Variants in PKHD1L1 observed in about 807,000 individuals in gnomAD.
The protein encoded by PKHD1L1 is PKHD1 like 1.
PKHD1L1 carries 434 observed loss-of-function variants against 462.9 expected under a neutral mutation model. The ratio of observed to expected loss-of-function variants is 0.94; its 90% confidence interval spans 0.87 to 1.02. The LOEUF (loss-of-function observed/expected upper bound fraction) is 1.02, where lower values mean the gene tolerates loss of function less well. PKHD1L1 is among the 50% of genes least tolerant of loss of function. The pLI is 0.00. For synonymous variants in PKHD1L1, 1,781 were observed against 1,750.0 expected (o/e 1.02, Z -0.44); for missense variants, 5,202 against 5,096.1 (o/e 1.02, Z -0.63).
At chr8:109,415,125 C>A (rs1037213112) in intron 21 of PKHD1L1, among the ~76,000 whole-genome samples, 1 of 151,838 alleles carries the variant, frequency 6.6e-6, no homozygotes, top group Non-Finnish European at 1.5e-5. Flanking sequence ...AGCCTCCCCC[C>A]ACAAGTAGCT....
rs763552114 is a variant in PKHD1L1 at position 109,419,273 on chromosome 8, A to C, written c.2524+13A>C. 6.4e-7 allele frequency: 1 copy of C among 1,561,998 alleles called. No individual in the cohort carries two copies. Among genetic ancestry groups the C allele is most frequent in the Non-Finnish European group, 8.7e-7 (1 of 1,148,932 alleles). ...TCAACATTGGATGGTATGTTGTATC[A>C]TTTTATCTCTGCTTTAATCTAAATA... is the stretch of plus-strand genomic sequence containing the variant. On this transcript the variant is annotated intron_variant, in intron 22 of 77. Coordinates refer to ENST00000378402, the MANE Select transcript of PKHD1L1 (RefSeq NM_177531.6).
intron 11 of PKHD1L1, among the ~76,000 whole-genome samples, chr8:109,396,571 A>G (rs1812990338): frequency 6.6e-6 from 1 of 152,236 alleles, no homozygotes; most frequent in Non-Finnish European, 1.5e-5. Context: ...ACTGTGCCTC[A>G]TCTGGACATC....
At position 109,456,412 on chromosome 8, in the gene PKHD1L1, A is replaced by C. The variant is rs753641405; in HGVS notation, c.7004+21A>C. ...CACAGGTATGATATCTTCTGGGCTT[A>C]ATGATGTGTATTTAGAAAAGAAATT... On this transcript the variant is annotated intron_variant, in intron 46 of 77. Coordinates refer to ENST00000378402, the MANE Select transcript of PKHD1L1 (RefSeq NM_177531.6). 2.5e-6 allele frequency: 4 copies of C among 1,576,058 alleles called. No individual in the cohort carries two copies. In the East Asian group the frequency reaches 9.1e-5, roughly 36 times the overall value.
At chr8:109,454,638 G>A (rs974044743) in intron 44 of PKHD1L1, 85 bp from the exon 45 acceptor site, 3 of 1,524,228 alleles carry the variant, frequency 2.0e-6, no homozygotes, top group African/African-American at 1.4e-5. Context: ...GAGAAGAGAG[G>A]ATAGAAAAGA....
rs558031209 is a variant in PKHD1L1 at position 109,485,250 on chromosome 8, T to C, written c.9706+77T>C. ...ACATTTACTCTGTAATTATAATTCT[T>C]TGATAAAACATGTCACAAATATGTT... On this transcript the variant is annotated intron_variant, in intron 58 of 77. Transcript: ENST00000378402. 4 of 1,243,998 alleles carry C rather than the reference T, an allele frequency of 3.2e-6. No individual in the cohort carries two copies. The East Asian group carries it at 7.6e-5, about 24-fold the overall frequency. 77.1% of individuals were successfully genotyped at this position (1,243,998 alleles called of 1,614,324 possible).
Position 109,442,211 on chromosome 8 carries a change from T to C in PKHD1L1, c.4393+16T>C. The C allele has an allele frequency of 6.3e-7, 1 of 1,594,224 alleles. No homozygotes were observed. The highest frequency in any genetic ancestry group is 1.1e-5 in the South Asian group (1 of 88,012). ...TCTACATCAGGTATGTTTCTGCTTATTGGGTTTTGCATCATGTCACTTTTT... is the reference window on the plus strand; with the variant it reads ...TCTACATCAGGTATGTTTCTGCTTACTGGGTTTTGCATCATGTCACTTTTT... On this transcript the variant is annotated intron_variant, in intron 35 of 77. Transcript: ENST00000378402.
chr8:109,440,743 A>G lies in PKHD1L1; in HGVS notation c.3990A>G (p.Leu1330=). 1 of 1,612,880 alleles carries G rather than the reference A, an allele frequency of 6.2e-7. No homozygotes were observed. The highest frequency in any genetic ancestry group is 2.2e-5 in the East Asian group (1 of 44,796). ...DKLNSSIQYV[L]EVTSMFPQRG... Reference sequence around the variant, plus strand: ...TAAATTCTTCAATACAGTATGTTTTAGAAGTGACCAGCATGTTTCCACAAA... The same window carrying G: ...TAAATTCTTCAATACAGTATGTTTTGGAAGTGACCAGCATGTTTCCACAAA... Residue 1330 remains leucine (L), a synonymous_variant, in exon 33 of 78, where the codon TTA becomes TTG. Coordinates refer to ENST00000378402, the MANE Select transcript of PKHD1L1 (RefSeq NM_177531.6).
intron 36 of PKHD1L1, among the ~76,000 whole-genome samples, 169 bp from the exon 37 acceptor site, chr8:109,443,507 G>A (rs1815932218): frequency 1.3e-5 from 2 of 152,042 alleles, no homozygotes; most frequent in African/African-American, 2.4e-5. Flanking sequence ...TCTTTGATCA[G>A]GTCTTTAATA....
rs71303459 is a variant in PKHD1L1 at position 109,410,726 on chromosome 8, C to CTTTTTTT, written c.2085+763_2085+769dup. Among the ~76,000 whole-genome samples the CTTTTTTT allele has an allele frequency of 2.0e-3, 138 of 68,378 alleles. 4 individuals carry two copies. Among genetic ancestry groups the CTTTTTTT allele is most frequent in the East Asian group, 0.012 (23 of 1,918 alleles). 44.9% of individuals were successfully genotyped at this position (68,378 alleles called of 152,430 possible). On this transcript the variant is annotated intron_variant, in intron 19 of 77. Coordinates refer to ENST00000378402, the MANE Select transcript of PKHD1L1 (RefSeq NM_177531.6). ...TTCTTTTTTCTTTTCTTTTCTTTTTCTTTTTTTTTTTTTTTTTTTTTGAGA... is the reference window on the plus strand; with the variant it reads ...TTCTTTTTTCTTTTCTTTTCTTTTTCTTTTTTTTTTTTTTTTTTTTTTTTTTTTGAGA...
At position 109,386,565 on chromosome 8, in the gene PKHD1L1, G is replaced by T. The variant is rs189733212; in HGVS notation, c.569+935G>T. On this transcript the variant is annotated intron_variant, in intron 6 of 77. Transcript: ENST00000378402. Reference sequence around the variant, plus strand: ...ATAAAGATTTATCTGGAATTCTATAGAATAGAACCTTTAATTAAATCACAT... The same window carrying T: ...ATAAAGATTTATCTGGAATTCTATATAATAGAACCTTTAATTAAATCACAT... Among the ~76,000 whole-genome samples the T allele has an allele frequency of 5.7e-3, 875 of 152,202 alleles. 12 individuals are homozygous for T. Among genetic ancestry groups the T allele is most frequent in the African/African-American group, 0.02 (843 of 41,552 alleles).
chr8:109,461,268 T>C (rs1408372226), intron 47 of PKHD1L1, among the ~76,000 whole-genome samples: 1 of 152,148 alleles, frequency 6.6e-6, no homozygotes, highest in African/African-American at 2.4e-5. Context: ...TTATGTCAAA[T>C]GAGCTACGTT....
intron 24 of PKHD1L1, among the ~76,000 whole-genome samples, chr8:109,426,220 A>T (rs1456789194): frequency 3.0e-5 from 3 of 99,754 alleles, no homozygotes; most frequent in Middle Eastern, 4.3e-3. Flanking sequence ...TTTCAAAGAC[A>T]TTACAAATTA....
At chr8:109,375,094 G>A (rs748322406) in intron 2 of PKHD1L1, among the ~76,000 whole-genome samples, 25 of 152,306 alleles carry the variant, frequency 1.6e-4, no homozygotes, top group Non-Finnish European at 2.4e-4. Context: ...CCTGCAGAGC[G>A]TTTTCCAACT....
At position 109,420,636 on chromosome 8, in the gene PKHD1L1, G is replaced by A. The variant is rs531084693; in HGVS notation, c.2643G>A (p.Met881Ile). The A allele has an allele frequency of 4.5e-4, 724 of 1,607,388 alleles. 8 individuals carry two copies. In the South Asian group the frequency reaches 7.6e-3, roughly 17 times the overall value. Residue 881 changes from methionine (M) to isoleucine (I), a missense_variant, in exon 23 of 78, where the codon ATG becomes ATA. Coordinates refer to ENST00000378402, the MANE Select transcript of PKHD1L1 (RefSeq NM_177531.6). ...TGACAAACCAATATTCTGTTACCAT[G>A]ACTTCATACAATTGCAGTTACAATA... ...PTMTNQYSVT[M>I]TSYNCSYNIP...
In PKHD1L1 at chr8:109,477,371, C is replaced by T. The variant is rs760242632; in HGVS notation, c.9064C>T (p.Pro3022Ser). 1.1e-5 allele frequency: 18 copies of T among 1,613,298 alleles called. No individual in the cohort carries two copies. In the South Asian group the frequency reaches 1.9e-4, roughly 17 times the overall value. Residue 3022 changes from proline to serine, a missense_variant, in exon 53 of 78, where the codon CCC becomes TCC. Physicochemically the swap from Pro to Ser is moderately conservative, Grantham distance 74. This residue lies in a region of PKHD1L1 where 4,497 missense variants were observed against 4,336.8 expected (regional missense o/e 1.04). Transcript: ENST00000378402. ...ACATCCGCCATCAAGAAAACCAATT[C>T]CCAAGAAGCGACCAGCCACATATAA... ...PVHPPSRKPI[P>S]KKRPATYNLW... is the part of the protein sequence containing the mutation.
intron 2 of PKHD1L1, among the ~76,000 whole-genome samples, chr8:109,370,047 A>G (rs1043779944): frequency 1.3e-5 from 2 of 152,210 alleles, no homozygotes; most frequent in Non-Finnish European, 2.9e-5. Context: ...AGCTAAGAAC[A>G]TAAGGGCTGG....
rs773391344 is a variant in PKHD1L1, at chr8:109,464,847, A to T, written c.8015A>T (p.Asn2672Ile). ...AATGGAGGTGCCCTTCAGTTCCATA[A>T]CTTTGTGATGGTGAATAACTATGAG... The part of the protein sequence containing the change: ...WVNGGALQFH[N>I]FVMVNNYEAG... The change falls in exon 49 of 78, where the codon AAC (asparagine) becomes ATC (isoleucine). Residue 2672 changes from asparagine to isoleucine, a missense_variant. Physicochemically the swap from Asn to Ile is moderately radical, Grantham distance 149. Coordinates refer to ENST00000378402, the MANE Select transcript of PKHD1L1 (RefSeq NM_177531.6). The T allele has an allele frequency of 1.2e-6, 2 of 1,613,820 alleles. No individual in the cohort carries two copies. The highest frequency in any genetic ancestry group is 1.7e-6 in the Non-Finnish European group (2 of 1,179,798).
At chr8:109,372,952 T>C (rs973395053) in intron 2 of PKHD1L1, among the ~76,000 whole-genome samples, 2 of 152,224 alleles carry the variant, frequency 1.3e-5, no homozygotes, top group Admixed American at 1.3e-4. Flanking sequence ...TCAAGGATAT[T>C]GGTCTAAAAT....
chr8:109,375,993 C>G (rs1347404402), intron 2 of PKHD1L1, among the ~76,000 whole-genome samples: 2 of 152,226 alleles, frequency 1.3e-5, no homozygotes, highest in Non-Finnish European at 2.9e-5. Context: ...TGATCTCAAG[C>G]TGCATGCTGG....
Sources: gnomAD v4.1 joint callset for allele counts (sites outside exome capture counted in the v4.1 genomes callset) on GRCh38, gnomAD v4.1.1 for gene constraint, gnomAD v4.1.1 regional missense constraint, MANE v1.5 for transcripts, NCBI Gene and HGNC (gene_info 2026-07-23, HGNC 2026-07-21) for gene names.